The following CALN1 variants were observed in gnomAD, a reference collection of about 807,000 sequenced individuals.
CALN1 encodes calneuron 1, also known as calcium-binding protein 8.
A neutral mutation model predicts 30.6 loss-of-function variants in CALN1; 17 were observed. That is an observed-to-expected ratio of 0.56 (90% CI 0.38 to 0.83). CALN1 has a LOEUF of 0.83. CALN1 is among the 40% of genes least tolerant of loss of function. CALN1 has a pLI of 0.00. For synonymous variants in CALN1, 156 were observed against 131.4 expected, an observed-to-expected ratio of 1.19 and a Z score of -1.28; for missense variants, 291 against 354.9, an observed-to-expected ratio of 0.82 and a Z score of 1.45.
chr7:71,874,451 A>C (rs1792127563), intron 5 of CALN1, among the ~76,000 whole-genome samples: 2 of 152,170 alleles, frequency 1.3e-5, no homozygotes, highest in South Asian at 4.1e-4. Flanking sequence ...CATTTGCAGC[A>C]AAAGCAAATG....
intron 6 of CALN1, among the ~76,000 whole-genome samples, chr7:71,795,905 G>C (rs10281515): frequency 2.8e-5 from 4 of 143,718 alleles, no homozygotes; most frequent in African/African-American, 5.1e-5. Context: ...TGCAAGCTCC[G>C]CCTCCCGGGT....
At chr7:72,242,061 G>A (rs1257376982) in intron 3 of CALN1, among the ~76,000 whole-genome samples, 1 of 152,042 alleles carries the variant, frequency 6.6e-6, no homozygotes, top group Non-Finnish European at 1.5e-5. Context: ...TGAGCCCCTG[G>A]CAACCACCCT....
chr7:72,353,391 T>C (rs966258600), intron 2 of CALN1, among the ~76,000 whole-genome samples: 1 of 152,070 alleles, frequency 6.6e-6, no homozygotes, highest in Admixed American at 6.5e-5. Context: ...CAAGGTGGAG[T>C]TTTTTTAAGT....
chr7:72,280,084 A>G (rs553987266), intron 2 of CALN1, among the ~76,000 whole-genome samples: 2 of 152,368 alleles, frequency 1.3e-5, no homozygotes, highest in South Asian at 4.1e-4. Context: ...AAGCAGACCC[A>G]GCTAAGTGCC....
At chr7:72,411,758 G>A (rs952513525) in intron 1 of CALN1, among the ~76,000 whole-genome samples, 2 of 152,150 alleles carry the variant, frequency 1.3e-5, no homozygotes, top group African/African-American at 4.8e-5. Flanking sequence ...CCTGAAAATT[G>A]ACATGAATGT....
At chr7:72,137,688 A>G (rs1261016202) in intron 3 of CALN1, among the ~76,000 whole-genome samples, 1 of 152,200 alleles carries the variant, frequency 6.6e-6, no homozygotes, top group Non-Finnish European at 1.5e-5. Context: ...ATTTGAATAG[A>G]GTCTGTGGAT....
At chr7:72,005,122 T>C (rs76684004) in intron 5 of CALN1, among the ~76,000 whole-genome samples, 8,352 of 152,226 alleles carry the variant, frequency 0.055, 690 homozygotes, top group East Asian at 0.32. Flanking sequence ...GATACCAACC[T>C]GCAAGTGCAT....
intron 5 of CALN1, among the ~76,000 whole-genome samples, chr7:72,006,687 T>C (rs1799788983): frequency 6.6e-6 from 1 of 152,110 alleles, no homozygotes; most frequent in African/African-American, 2.4e-5. Flanking sequence ...AAAAAAATAA[T>C]GGATGGACCA....
intron 5 of CALN1, among the ~76,000 whole-genome samples, chr7:71,983,113 T>G (rs1320021186): frequency 6.6e-6 from 1 of 152,172 alleles, no homozygotes; most frequent in Non-Finnish European, 1.5e-5. Context: ...AGCCTGTCTA[T>G]AAAATCCAGT....
chr7:71,795,871 T>G (rs1179544082), intron 6 of CALN1, among the ~76,000 whole-genome samples: 4 of 140,416 alleles, frequency 2.8e-5, no homozygotes. Context: ...CAGGCTGGAG[T>G]GCAGCGGCAC....
chr7:71,951,426 A>G (rs765314853), intron 5 of CALN1, among the ~76,000 whole-genome samples: 18 of 152,144 alleles, frequency 1.2e-4, no homozygotes, highest in Non-Finnish European at 2.1e-4. Context: ...CCCCGTCTCT[A>G]CTAAAAATAC....
chr7:72,320,936 CTG>C (rs1800835070), intron 2 of CALN1, among the ~76,000 whole-genome samples: 1 of 151,806 alleles, frequency 6.6e-6, no homozygotes, highest in South Asian at 2.1e-4. Context: ...TAGTCCACAG[CTG>C]TGTGACTTTC....
At chr7:72,497,782 TGAA>T in the CALN1 span, among the ~76,000 whole-genome samples, 4 of 151,892 alleles carry the variant, frequency 2.6e-5, no homozygotes, top group Admixed American at 1.3e-4. Context: ...ACCAGACACG[TGAA>T]GAAGTAACAA....
chr7:72,253,629 A>T (rs535760334), intron 3 of CALN1, among the ~76,000 whole-genome samples: 1 of 152,260 alleles, frequency 6.6e-6, no homozygotes, highest in Non-Finnish European at 1.5e-5. Flanking sequence ...TCATAAGAAC[A>T]GCACGGGGGA....
intron 5 of CALN1, among the ~76,000 whole-genome samples, chr7:71,949,636 T>C (rs1358098379): frequency 5.3e-5 from 8 of 151,882 alleles, no homozygotes; most frequent in Admixed American, 3.3e-4. Flanking sequence ...CACCCCGGCC[T>C]CCCAAAGTGC....
chr7:71,807,119 C>G lies in CALN1; in HGVS notation c.658+3217G>C, dbSNP rs528859901. The stretch of plus-strand genomic sequence containing the variant: ...TGGGGAGGCCCCAAAGCGCTCAAGG[C>G]TGGGAGGAGGAGAGGGAGATTTAGG... On this transcript the variant is annotated intron_variant, in intron 6 of 6. Coordinates refer to ENST00000395275, the MANE Select transcript of CALN1 (RefSeq NM_031468.4). Among the ~76,000 whole-genome samples the G allele has an allele frequency of 1.3e-3, 196 of 152,258 alleles. 1 individual carries two copies. The highest frequency in any genetic ancestry group is 2.5e-3 in the Admixed American group (38 of 15,294).
At chr7:71,795,832 T>G (rs1045521382) in intron 6 of CALN1, among the ~76,000 whole-genome samples, 4 of 146,816 alleles carry the variant, frequency 2.7e-5, no homozygotes, top group Non-Finnish European at 6.0e-5. Context: ...TTTTTTTTTT[T>G]TTTTGAGACA....
At chr7:72,115,061 T>C (rs1178494784) in intron 3 of CALN1, among the ~76,000 whole-genome samples, 3 of 148,798 alleles carry the variant, frequency 2.0e-5, no homozygotes, top group Non-Finnish European at 4.5e-5. Context: ...CATTACATTA[T>C]ATATGGACAT....
At chr7:72,172,090 G>A (rs1336483769) in intron 3 of CALN1, among the ~76,000 whole-genome samples, 1 of 152,174 alleles carries the variant, frequency 6.6e-6, no homozygotes, top group Non-Finnish European at 1.5e-5. Flanking sequence ...ATCAACAAAA[G>A]AGTAATCCAC....
Sources: gnomAD v4.1 joint callset for allele counts (sites outside exome capture counted in the v4.1 genomes callset) on GRCh38, gnomAD v4.1.1 for gene constraint, MANE v1.5 for transcripts, NCBI Gene and HGNC (gene_info 2026-07-23, HGNC 2026-07-21) for gene names.